PLXNA2: variants seen among roughly 807,000 people sequenced by gnomAD.
PLXNA2 encodes the protein plexin A2.
A neutral mutation model predicts 193.5 loss-of-function variants in PLXNA2; 91 were observed. That is an observed-to-expected ratio of 0.47 (90% CI 0.40 to 0.56). PLXNA2 has a LOEUF of 0.56. Among genes scored for constraint, PLXNA2 ranks in the 20% least tolerant of loss-of-function variants. The pLI is 0.00. For synonymous variants in PLXNA2, 997 were observed against 1,027.3 expected (o/e 0.97, Z 0.56); for missense variants, 1,995 against 2,503.2 (o/e 0.80, Z 4.33).
chr1:208,210,346 C>T lies in PLXNA2; in HGVS notation c.1305G>A (p.Val435=). 6.2e-7 allele frequency: 1 copy of T among 1,614,018 alleles called. No individual in the cohort carries two copies. Among genetic ancestry groups the T allele is most frequent in the South Asian group, 1.1e-5 (1 of 91,080 alleles). Residue 435 remains valine, a synonymous_variant, in exon 3 of 32, where the codon GTG becomes GTA. Coordinates refer to ENST00000367033, the MANE Select transcript of PLXNA2 (RefSeq NM_025179.4). Reference sequence around the variant, plus strand: ...TGTAGCCGTTGTAAACGTAGGAGGCCACAGAGGTCATGCGGTCCCTGCTGG... The same window carrying T: ...TGTAGCCGTTGTAAACGTAGGAGGCTACAGAGGTCATGCGGTCCCTGCTGG... ...YTTSRDRMTS[V]ASYVYNGYSV... is the part of the protein sequence containing the mutation.
intron 17 of PLXNA2, 131 bp from the exon 18 acceptor site, chr1:208,046,248 T>C (rs1665060434): frequency 5.0e-6 from 6 of 1,197,654 alleles, no homozygotes; most frequent in African/African-American, 1.5e-5. Flanking sequence ...CTCCATTCCA[T>C]GGGAAAGCCC....
intron 4 of PLXNA2, among the ~76,000 whole-genome samples, chr1:208,114,878 G>C (rs1667590827): frequency 6.6e-6 from 1 of 152,222 alleles, no homozygotes; most frequent in African/African-American, 2.4e-5. Flanking sequence ...GAAGGATAGA[G>C]GGAGCGGGAG....
At position 208,028,693 on chromosome 1, in the gene PLXNA2, G is replaced by C. The variant is rs1342575877; in HGVS notation, c.5438+137C>G. The C allele has an allele frequency of 2.8e-6, 2 of 717,388 alleles. No homozygotes were observed. 44.4% of individuals were successfully genotyped at this position (717,388 alleles called of 1,614,324 possible). A position where few individuals can be genotyped will look rare whatever the true frequency, so the allele number is the denominator to read the frequency against. ...AGCCACCCTTCCTCCCGCAGCAGGG[G>C]GTGTGGCAGGGAGGGGAGTGGGAGG... is the stretch of plus-strand genomic sequence containing the variant. On this transcript the variant is annotated intron_variant, in intron 30 of 31. Transcript: ENST00000367033. This position sits in a 1 kb window ranked among gnomAD's most constrained non-coding sequence, Gnocchi z 4.2.
chr1:208,233,788 A>G (rs1177240639), intron 1 of PLXNA2, among the ~76,000 whole-genome samples: 3 of 152,138 alleles, frequency 2.0e-5, no homozygotes, highest in East Asian at 3.9e-4. Flanking sequence ...CAGTGCCCAC[A>G]GTGCCTCTCG....
At chr1:208,107,052 T>C (rs1667291960) in intron 4 of PLXNA2, among the ~76,000 whole-genome samples, 1 of 152,220 alleles carries the variant, frequency 6.6e-6, no homozygotes, top group Non-Finnish European at 1.5e-5. Context: ...GAATATGTGA[T>C]GCCTCCAAGC....
chr1:208,227,882 G>T (rs1671562716), intron 1 of PLXNA2, among the ~76,000 whole-genome samples: 1 of 152,280 alleles, frequency 6.6e-6, no homozygotes, highest in South Asian at 2.1e-4. Flanking sequence ...CAACTAAAAG[G>T]TTAAATAAAT....
intron 3 of PLXNA2, among the ~76,000 whole-genome samples, chr1:208,207,512 A>G (rs1428430235): frequency 1.3e-5 from 2 of 152,200 alleles, no homozygotes; most frequent in Non-Finnish European, 2.9e-5. Context: ...TTACATACAC[A>G]GGGACATCCT....
chr1:208,092,804 G>A lies in PLXNA2; in HGVS notation c.2079C>T (p.Gly693=). The A allele has an allele frequency of 6.2e-7, 1 of 1,612,910 alleles. No individual in the cohort carries two copies. The highest frequency in any genetic ancestry group is 8.5e-7 in the Non-Finnish European group (1 of 1,179,142). Reference sequence around the variant, plus strand: ...TTCTTACCTCTGAAATATTGATCCGGCCCTCCTGGAAGGAGCAGGTGGTGG... The same window carrying A: ...TTCTTACCTCTGAAATATTGATCCGACCCTCCTGGAAGGAGCAGGTGGTGG... ...HDPTTCSFQE[G]RINISEDCPQ... Residue 693 remains glycine (G), a synonymous_variant, in exon 9 of 32, where the codon GGC becomes GGT. Transcript: ENST00000367033.
intron 3 of PLXNA2, among the ~76,000 whole-genome samples, chr1:208,173,586 A>C (rs1669562569): frequency 6.6e-6 from 1 of 152,204 alleles, no homozygotes; most frequent in Non-Finnish European, 1.5e-5. Flanking sequence ...TTTCCAGTCT[A>C]CCAGCAAGGG....
In PLXNA2 at chr1:208,025,507, CTT is replaced by C. The variant is rs1664316432; in HGVS notation, c.*1734_*1735del. 1 of 152,496 alleles carries C rather than the reference CTT, an allele frequency of 6.6e-6. No homozygotes were observed. The allele number at this position is 152,496 out of a possible 1,614,324, so 9.4% of individuals were successfully genotyped here. A position where few individuals can be genotyped will look rare whatever the true frequency, so the allele number is the denominator to read the frequency against. On this transcript the variant is annotated 3_prime_UTR_variant, in exon 32 of 32. Transcript: ENST00000367033. ...AAGTGAGGAAGGGCAGCTTGTTCCT[CTT>C]TGTCTTCCCCAGTCCCACACCTTTG...
rs753659297 is a variant in PLXNA2, at chr1:208,039,785, G to A, written c.4354-18C>T. 1 of 1,613,900 alleles carries A rather than the reference G, an allele frequency of 6.2e-7. No individual in the cohort carries two copies. Among genetic ancestry groups the A allele is most frequent in the Non-Finnish European group, 8.5e-7 (1 of 1,179,900 alleles). On this transcript the variant is annotated intron_variant, in intron 23 of 31. Coordinates refer to ENST00000367033, the MANE Select transcript of PLXNA2 (RefSeq NM_025179.4). Reference sequence around the variant, plus strand: ...GCGCACTCCTGTGGGCACAGACAGGGCAGGAGGTGTGGGCACGGCCTCCTC... The same window carrying A: ...GCGCACTCCTGTGGGCACAGACAGGACAGGAGGTGTGGGCACGGCCTCCTC...
intron 5 of PLXNA2, 93 bp downstream of exon 5, chr1:208,103,054 C>CCTCTCT (rs10654695): frequency 2.6e-5 from 21 of 795,672 alleles, no homozygotes; most frequent in Non-Finnish European, 3.9e-5. Context: ...GAGGACAATT[C>CCTCTCT]CTCTCTCTGC....
chr1:208,194,460 CAAAA>C (rs10522096), intron 3 of PLXNA2, among the ~76,000 whole-genome samples: 24 of 93,952 alleles, frequency 2.6e-4, no homozygotes, highest in African/African-American at 3.4e-4. Flanking sequence ...CAGCTTACTG[CAAAA>C]AAAAAAAAAA....
chr1:208,072,165 A>G (rs1665997438), intron 12 of PLXNA2, among the ~76,000 whole-genome samples: 2 of 152,226 alleles, frequency 1.3e-5, no homozygotes, highest in South Asian at 4.1e-4. Flanking sequence ...CGTACCTAAG[A>G]TGCGTAAGAT....
At chr1:208,140,858 A>G (rs1032994324) in intron 4 of PLXNA2, among the ~76,000 whole-genome samples, 61 of 152,360 alleles carry the variant, frequency 4.0e-4, no homozygotes, top group African/African-American at 1.3e-3. Flanking sequence ...GATTGCAATC[A>G]ACTTAAGGTA....
intron 29 of PLXNA2, chr1:208,031,045 A>G (rs1247606356): frequency 4.0e-6 from 4 of 990,558 alleles, no homozygotes; most frequent in Non-Finnish European, 2.4e-6. Context: ...GCCTTAAGAG[A>G]TCAAGTTTGC....
chr1:208,088,670 C>G (rs1430192457), intron 9 of PLXNA2, among the ~76,000 whole-genome samples: 1 of 152,226 alleles, frequency 6.6e-6, no homozygotes, highest in Non-Finnish European at 1.5e-5. Context: ...TGACTCATTA[C>G]CTTAAGAGAG....
chr1:208,229,794 A>T (rs76177046), intron 1 of PLXNA2, among the ~76,000 whole-genome samples: 2,552 of 152,308 alleles, frequency 0.017, 34 homozygotes, highest in South Asian at 0.07. Flanking sequence ...AGCACATAAT[A>T]ATAAAAAATG....
At chr1:208,214,393 G>A (rs910636352) in intron 2 of PLXNA2, among the ~76,000 whole-genome samples, 1 of 152,096 alleles carries the variant, frequency 6.6e-6, no homozygotes, top group African/African-American at 2.4e-5. Context: ...TACATAACTT[G>A]CCCAAAGTCA....
Sources: gnomAD v4.1 joint callset for allele counts (sites outside exome capture counted in the v4.1 genomes callset) on GRCh38, gnomAD v4.1.1 for gene constraint, Gnocchi (gnomAD v3.1) non-coding constraint, MANE v1.5 for transcripts, NCBI Gene and HGNC (gene_info 2026-07-23, HGNC 2026-07-21) for gene names.